Variants in WWOX observed in about 807,000 individuals in gnomAD.
WWOX encodes WW domain-containing oxidoreductase.
WWOX carries 69 observed loss-of-function variants against 46.2 expected under a neutral mutation model. The ratio of observed to expected loss-of-function variants is 1.49; its 90% CI spans 1.23 to 1.82. The LOEUF is 1.82. Among genes scored for constraint, WWOX ranks in the 40% most tolerant of loss-of-function variants. The pLI is 0.00. For missense variants in WWOX, 919 were observed against 542.6 expected (o/e 1.69, Z -6.89); for synonymous variants, 359 against 202.6 (o/e 1.77, Z -6.56).
intron 8 of WWOX, among the ~76,000 whole-genome samples, chr16:79,075,406 T>G (rs1277435378): frequency 6.6e-6 from 1 of 152,220 alleles, no homozygotes; most frequent in African/African-American, 2.4e-5. Flanking sequence ...GTACTTCCTT[T>G]CTGTCTTTTT....
intron 8 of WWOX, among the ~76,000 whole-genome samples, chr16:78,771,699 G>T (rs2050068176): frequency 1.3e-5 from 2 of 152,050 alleles, no homozygotes; most frequent in African/African-American, 4.8e-5. Context: ...TTGAGCCTAG[G>T]AGGTGGAGGT....
chr16:78,747,867 C>G (rs1301765025), intron 8 of WWOX, among the ~76,000 whole-genome samples: 1 of 152,148 alleles, frequency 6.6e-6, no homozygotes, highest in Non-Finnish European at 1.5e-5. Flanking sequence ...ATCTTTCTCT[C>G]TGCCTCAGTT....
intron 8 of WWOX, among the ~76,000 whole-genome samples, chr16:78,601,155 G>A (rs2045613127): frequency 6.6e-6 from 1 of 152,176 alleles, no homozygotes; most frequent in African/African-American, 2.4e-5. Context: ...GGCAAACCCA[G>A]GTTGGCCTCT....
In WWOX at chr16:78,340,055, A is replaced by G. The variant is rs1487011659; in HGVS notation, c.517-46805A>G. On this transcript the variant is annotated intron_variant, in intron 5 of 8. Transcript: ENST00000566780. ...GACGTTTCTATTTCCTTTATGTTTG[A>G]TAACATTCTATTCTTGTTTCATGGA... is the stretch of plus-strand genomic sequence containing the variant. Among the ~76,000 whole-genome samples, 2 of 52,038 alleles carry G rather than the reference A, an allele frequency of 3.8e-5. 1 individual carries two copies. The highest frequency in any genetic ancestry group is 8.4e-5 in the Non-Finnish European group (2 of 23,816). The allele number at this position is 52,038 out of a possible 152,430, so 34.1% of individuals were successfully genotyped here.
At chr16:78,419,484 C>T (rs1410513507) in intron 6 of WWOX, among the ~76,000 whole-genome samples, 1 of 151,912 alleles carries the variant, frequency 6.6e-6, no homozygotes, top group Non-Finnish European at 1.5e-5. Flanking sequence ...TGAATCCATG[C>T]ATATTGTGAA....
At chr16:78,641,846 G>C (rs1038964567) in intron 8 of WWOX, among the ~76,000 whole-genome samples, 2 of 152,188 alleles carry the variant, frequency 1.3e-5, no homozygotes, top group Admixed American at 6.5e-5. Flanking sequence ...CAGAATTTCA[G>C]TTCAATACTT....
intron 8 of WWOX, among the ~76,000 whole-genome samples, chr16:78,684,507 A>C (rs2142243993): frequency 6.6e-6 from 1 of 152,282 alleles, no homozygotes; most frequent in East Asian, 1.9e-4. Context: ...CAGTTCCCTC[A>C]GATTTATTAC....
At chr16:78,940,306 T>A (rs529458231) in intron 8 of WWOX, among the ~76,000 whole-genome samples, 1 of 152,324 alleles carries the variant, frequency 6.6e-6, no homozygotes, top group African/African-American at 2.4e-5. Flanking sequence ...ATTTTTTGAT[T>A]TATGAGTCGT....
At chr16:78,787,820 C>G (rs2550589) in intron 8 of WWOX, among the ~76,000 whole-genome samples, 8 of 151,914 alleles carry the variant, frequency 5.3e-5, no homozygotes, top group African/African-American at 1.7e-4. Context: ...CACATCCTTG[C>G]CAACACTTTA....
At chr16:78,409,319 C>T (rs2082620195) in intron 6 of WWOX, among the ~76,000 whole-genome samples, 1 of 152,122 alleles carries the variant, frequency 6.6e-6, no homozygotes, top group Non-Finnish European at 1.5e-5. Flanking sequence ...TGTCAAGATA[C>T]AGAACAGTGC....
intron 8 of WWOX, among the ~76,000 whole-genome samples, chr16:79,025,318 T>A (rs2047616107): frequency 6.6e-6 from 1 of 152,038 alleles, no homozygotes; most frequent in Non-Finnish European, 1.5e-5. Flanking sequence ...TAGTGGTGGC[T>A]CCCCAAAAGA....
intron 8 of WWOX, among the ~76,000 whole-genome samples, chr16:78,946,783 G>T (rs562426280): frequency 6.6e-6 from 1 of 151,952 alleles, no homozygotes; most frequent in Non-Finnish European, 1.5e-5. Context: ...GCCCCCGGGG[G>T]AGCTCAGTGC....
chr16:78,823,721 A>C (rs2051569447), intron 8 of WWOX, among the ~76,000 whole-genome samples: 1 of 152,090 alleles, frequency 6.6e-6, no homozygotes, highest in Admixed American at 6.6e-5. Flanking sequence ...GCATGTCTTA[A>C]CTTTGCTGTT....
At chr16:78,358,962 G>A (rs890557774) in intron 5 of WWOX, among the ~76,000 whole-genome samples, 1 of 144,634 alleles carries the variant, frequency 6.9e-6, no homozygotes, top group Non-Finnish European at 1.5e-5. Flanking sequence ...TGACATTATA[G>A]CTTCATAACT....
rs933016043 is a variant in WWOX, at chr16:79,134,395, G to A, written c.1057-77213G>A. Among the ~76,000 whole-genome samples the A allele has an allele frequency of 1.8e-4, 28 of 152,084 alleles. 1 individual carries two copies. The highest frequency in any genetic ancestry group is 1.8e-3 in the Admixed American group (28 of 15,258). ...TGCAACAGGCAGCCCAGCATGGAAG[G>A]GGCTGTCTGCAAAGAGGCAGGGGCT... On this transcript the variant is annotated intron_variant, in intron 8 of 8. Transcript: ENST00000566780.
intron 8 of WWOX, among the ~76,000 whole-genome samples, chr16:78,617,499 A>G (rs1358300448): frequency 1.3e-5 from 2 of 152,006 alleles, no homozygotes; most frequent in African/African-American, 4.8e-5. Flanking sequence ...CAGTGCAGTG[A>G]CTTTGCCGAG....
chr16:78,131,009 C>A (rs769930372), intron 4 of WWOX, among the ~76,000 whole-genome samples: 3 of 152,180 alleles, frequency 2.0e-5, no homozygotes, highest in Non-Finnish European at 4.4e-5. Context: ...ACTTGTATAG[C>A]ATGGTACCGA....
chr16:79,028,629 A>T (rs546471500), intron 8 of WWOX, among the ~76,000 whole-genome samples: 2 of 150,900 alleles, frequency 1.3e-5, no homozygotes, highest in Non-Finnish European at 2.9e-5. Flanking sequence ...GAATTAGGGT[A>T]TGTTTTGGGG....
intron 5 of WWOX, among the ~76,000 whole-genome samples, chr16:78,219,703 T>A (rs1486542147): frequency 6.6e-6 from 1 of 152,212 alleles, no homozygotes; most frequent in Non-Finnish European, 1.5e-5. Context: ...GATAAAGCTC[T>A]GTTACCACGA....
Sources: allele counts gnomAD v4.1 joint callset (sites outside exome capture counted in the v4.1 genomes callset), GRCh38; gene constraint gnomAD v4.1.1; transcripts MANE v1.5; gene names NCBI Gene and HGNC (gene_info 2026-07-23, HGNC 2026-07-21).